Variants in GAB3 observed in about 807,000 individuals in gnomAD.
The protein encoded by GAB3 is GRB2 associated binding protein 3, also known as GRB2-associated-binding protein 3.
In GAB3, 12 loss-of-function variants were observed where a neutral mutation model predicts 40.4. The ratio of observed to expected loss-of-function variants is 0.30; its 90% CI spans 0.19 to 0.48. GAB3 has a LOEUF of 0.48. Ranked by LOEUF, GAB3 falls within the 20% of genes least tolerant of loss-of-function variation. GAB3 has a pLI of 0.99. For missense variants in GAB3, 381 were observed against 461.9 expected, an observed-to-expected ratio of 0.82 and a Z score of 1.61; for synonymous variants, 154 against 176.7, an observed-to-expected ratio of 0.87 and a Z score of 1.02.
At chrX:154,720,095 C>G (rs931422390) in intron 1 of GAB3, among the ~76,000 whole-genome samples, 1 of 109,487 alleles carries the variant, frequency 9.1e-6, no homozygotes, top group Non-Finnish European at 1.9e-5. Context: ...TTTATTGTAC[C>G]TTTTCTATGT....
Position 154,699,516 on chromosome X carries a change from G to A in GAB3, c.1126-3C>T. On this transcript the variant is annotated splice_region_variant and splice_polypyrimidine_tract_variant and intron_variant, in intron 5 of 9. Transcript: ENST00000424127. ...TACATCGGGGAGAACCTGCATGGCTGCAAAAGAATAGATACAGATTGGGAA... is the reference window on the plus strand; with the variant it reads ...TACATCGGGGAGAACCTGCATGGCTACAAAAGAATAGATACAGATTGGGAA... 8.3e-7 allele frequency: 1 copy of A among 1,201,518 alleles called. No individual in the cohort carries two copies. Among genetic ancestry groups the A allele is most frequent in the Non-Finnish European group, 1.1e-6 (1 of 887,709 alleles).
intron 1 of GAB3, among the ~76,000 whole-genome samples, chrX:154,730,378 T>C (rs1399457769): frequency 3.6e-5 from 4 of 112,173 alleles, no homozygotes; most frequent in Non-Finnish European, 7.5e-5. Flanking sequence ...TTCTAGTTAC[T>C]GTTTAGAAAA....
chrX:154,724,112 C>T (rs2071176554), intron 1 of GAB3, among the ~76,000 whole-genome samples: 2 of 111,241 alleles, frequency 1.8e-5, no homozygotes, highest in African/African-American at 6.6e-5. Context: ...TTTGGGAGAC[C>T]GAGACGGGTG....
chrX:154,707,921 G>C (rs188096834), intron 4 of GAB3, among the ~76,000 whole-genome samples: 1 of 111,244 alleles, frequency 9.0e-6, no homozygotes, highest in East Asian at 2.8e-4. Context: ...GCAAATACAC[G>C]GAAATGTATT....
chrX:154,717,827 C>G (rs1394548620), intron 1 of GAB3, among the ~76,000 whole-genome samples: 3 of 112,080 alleles, frequency 2.7e-5, no homozygotes, highest in African/African-American at 6.5e-5. Flanking sequence ...GTTTGAGTTC[C>G]TTGTCTTACA....
At chrX:154,718,491 G>T (rs1448295897) in intron 1 of GAB3, among the ~76,000 whole-genome samples, 3 of 111,765 alleles carry the variant, frequency 2.7e-5, no homozygotes, top group Non-Finnish European at 3.8e-5. Context: ...CAGCATGTTT[G>T]TATGCTCGTG....
At chrX:154,698,053 C>T (rs1398814166) in intron 6 of GAB3, among the ~76,000 whole-genome samples, 16 of 112,325 alleles carry the variant, frequency 1.4e-4, no homozygotes, top group African/African-American at 2.6e-4. Context: ...ACTAGCCACA[C>T]GTGCCCATTT....
At chrX:154,732,063 C>T (rs1362935832) in intron 1 of GAB3, among the ~76,000 whole-genome samples, 10 of 111,627 alleles carry the variant, frequency 9.0e-5, no homozygotes, top group Admixed American at 1.9e-4. Flanking sequence ...AGCTGTCATC[C>T]GCTGACTAGA....
intron 1 of GAB3, among the ~76,000 whole-genome samples, chrX:154,738,038 A>T (rs1410016676): frequency 8.9e-6 from 1 of 112,561 alleles, no homozygotes; most frequent in East Asian, 2.8e-4. Flanking sequence ...TAAAAGATGA[A>T]ATTCAACAGT....
chrX:154,715,865 G>A (rs973327286), intron 2 of GAB3, among the ~76,000 whole-genome samples, 161 bp downstream of exon 2: 1 of 112,051 alleles, frequency 8.9e-6, no homozygotes, highest in Non-Finnish European at 1.9e-5. Flanking sequence ...GTAAAAGAGG[G>A]CAATTTCCAG....
intron 4 of GAB3, among the ~76,000 whole-genome samples, chrX:154,701,659 G>T (rs1235518998): frequency 1.8e-5 from 2 of 111,939 alleles, no homozygotes; most frequent in Non-Finnish European, 3.8e-5. Flanking sequence ...CACAAATTCA[G>T]TAAAGTTGCA....
At chrX:154,717,167 AAAAT>A (rs2071057928) in intron 1 of GAB3, among the ~76,000 whole-genome samples, 1 of 111,652 alleles carries the variant, frequency 9.0e-6, no homozygotes, top group South Asian at 3.7e-4. Flanking sequence ...GTGAAGTTAA[AAAAT>A]AAAGAGAGAG....
At position 154,720,031 on chromosome X, in the gene GAB3, A is replaced by AT. The variant is rs1258884371; in HGVS notation, c.73-3703dup. Among the ~76,000 whole-genome samples the AT allele has an allele frequency of 5.4e-5, 6 of 111,483 alleles. 1 individual carries two copies. The highest frequency in any genetic ancestry group is 2.0e-4 in the African/African-American group (6 of 30,600). The stretch of plus-strand genomic sequence containing the variant: ...AAATATACAATGGTGGTCCTATAAG[A>AT]TTTTTTTTCAATCCTCCGAGACATC... On this transcript the variant is annotated intron_variant, in intron 1 of 9. Transcript: ENST00000424127.
At chrX:154,706,415 C>CAA (rs35975601) in intron 4 of GAB3, among the ~76,000 whole-genome samples, 11 of 93,544 alleles carry the variant, frequency 1.2e-4, no homozygotes, top group African/African-American at 3.2e-4. Flanking sequence ...GACTCCATCT[C>CAA]AAAAAAAAAA....
chrX:154,735,477 GCTT>G (rs1557260421), intron 1 of GAB3, among the ~76,000 whole-genome samples: 4 of 111,947 alleles, frequency 3.6e-5, no homozygotes, highest in Non-Finnish European at 7.5e-5. Context: ...GGTAGTTGGG[GCTT>G]TCACATCTCA....
At chrX:154,750,454 T>C (rs782580417) in intron 1 of GAB3, among the ~76,000 whole-genome samples, 1 of 112,150 alleles carries the variant, frequency 8.9e-6, no homozygotes, top group East Asian at 2.8e-4. Flanking sequence ...TGTGTAGGGT[T>C]CCAGACAGCA....
intron 1 of GAB3, among the ~76,000 whole-genome samples, chrX:154,724,738 T>A (rs2071187832): frequency 8.9e-6 from 1 of 112,479 alleles, no homozygotes; most frequent in South Asian, 3.6e-4. Flanking sequence ...TTAATCCCAT[T>A]CTTCTGAGAG....
At chrX:154,737,407 G>T (rs2071378936) in intron 1 of GAB3, among the ~76,000 whole-genome samples, 1 of 111,027 alleles carries the variant, frequency 9.0e-6, no homozygotes, top group South Asian at 3.8e-4. Flanking sequence ...TCTAACTGCG[G>T]TATCTCCCAA....
intron 1 of GAB3, among the ~76,000 whole-genome samples, chrX:154,721,297 A>G (rs185902177): frequency 8.9e-6 from 1 of 112,589 alleles, no homozygotes; most frequent in East Asian, 2.8e-4. Context: ...TGGATAATTT[A>G]TAACAATATT....
Sources: allele counts gnomAD v4.1 joint callset (sites outside exome capture counted in the v4.1 genomes callset), GRCh38; gene constraint gnomAD v4.1.1; transcripts MANE v1.5; gene names NCBI Gene and HGNC (gene_info 2026-07-23, HGNC 2026-07-21).